Variants in CHSY1 observed in about 807,000 individuals in gnomAD.
The protein encoded by CHSY1 is chondroitin sulfate synthase 1.
Under a neutral mutation model 59.8 loss-of-function variants are expected in CHSY1, and 13 were observed. That is an observed-to-expected ratio of 0.22 (90% confidence interval 0.14 to 0.35). CHSY1 has a LOEUF of 0.35. Among genes scored for constraint, CHSY1 ranks in the 10% least tolerant of loss-of-function variants. The pLI is 1.00. For missense variants in CHSY1, 947 were observed against 1,030.6 expected (o/e 0.92, Z 1.11); for synonymous variants, 459 against 401.2 (o/e 1.14, Z -1.72).
At chr15:101,214,085 G>A (rs1209146665) in intron 2 of CHSY1, among the ~76,000 whole-genome samples, 1 of 152,236 alleles carries the variant, frequency 6.6e-6, no homozygotes, top group African/African-American at 2.4e-5. Flanking sequence ...AAAAGCCTGT[G>A]AAATGGCATC....
At chr15:101,226,592 C>T (rs1390577645) in intron 2 of CHSY1, among the ~76,000 whole-genome samples, 1 of 152,108 alleles carries the variant, frequency 6.6e-6, no homozygotes, top group Non-Finnish European at 1.5e-5. Context: ...TCTGCCTCGT[C>T]ACTCCACTCA....
intron 2 of CHSY1, among the ~76,000 whole-genome samples, chr15:101,226,612 C>T (rs1205579284): frequency 6.6e-6 from 1 of 152,232 alleles, no homozygotes; most frequent in Non-Finnish European, 1.5e-5. Context: ...ATGCTGGCCA[C>T]TGTGCTATGT....
chr15:101,186,754 A>T (rs2038371857), intron 2 of CHSY1: 1 of 152,264 alleles, frequency 6.6e-6, no homozygotes, highest in African/African-American at 2.4e-5. Context: ...GTGAGCCATG[A>T]TCGCACTACT....
intron 2 of CHSY1, among the ~76,000 whole-genome samples, chr15:101,201,319 C>G (rs1357726758): frequency 1.3e-5 from 2 of 152,242 alleles, no homozygotes; most frequent in Non-Finnish European, 2.9e-5. Context: ...TTGCCTATTA[C>G]TCCCCCGACC....
chr15:101,228,927 G>A (rs1050999840), intron 2 of CHSY1, among the ~76,000 whole-genome samples: 6 of 152,150 alleles, frequency 3.9e-5, no homozygotes, highest in Admixed American at 1.3e-4. Flanking sequence ...GGCATACAAC[G>A]TATAAAGATA....
chr15:101,236,806 CAG>C (rs2038948030), intron 1 of CHSY1, among the ~76,000 whole-genome samples: 1 of 149,452 alleles, frequency 6.7e-6, no homozygotes, highest in African/African-American at 2.5e-5. Context: ...GCCTGGGAGA[CAG>C]AGCAAGACTC....
chr15:101,241,642 T>C (rs2039002495), intron 1 of CHSY1, among the ~76,000 whole-genome samples: 1 of 152,260 alleles, frequency 6.6e-6, no homozygotes, highest in African/African-American at 2.4e-5. Flanking sequence ...TTCTACTAGT[T>C]ACCATTAAAA....
At chr15:101,190,669 C>T (rs2038431106) in intron 2 of CHSY1, among the ~76,000 whole-genome samples, 1 of 152,196 alleles carries the variant, frequency 6.6e-6, no homozygotes, top group African/African-American at 2.4e-5. Flanking sequence ...GAGAATAAGA[C>T]AAGTCACAGA....
chr15:101,226,888 A>G (rs1367380523), intron 2 of CHSY1, among the ~76,000 whole-genome samples: 4 of 152,224 alleles, frequency 2.6e-5, no homozygotes, highest in African/African-American at 9.6e-5. Flanking sequence ...AATTCATCTA[A>G]TTATAAAAAG....
chr15:101,178,464 C>G lies in CHSY1; in HGVS notation c.1333G>C (p.Ala445Pro), dbSNP rs2141235896. The G allele has an allele frequency of 6.2e-7, 1 of 1,614,234 alleles. No individual in the cohort carries two copies. Among genetic ancestry groups the G allele is most frequent in the Non-Finnish European group, 8.5e-7 (1 of 1,180,044 alleles). The change falls in exon 3 of 3, where the codon GCT becomes CCT. Residue 445 changes from alanine (A) to proline (P), a missense_variant. Ala to Pro is a conservative substitution (Grantham distance 27, BLOSUM62 -1). This residue lies in a region of CHSY1 where 602 missense variants were observed against 676.9 expected (regional missense o/e 0.89). Transcript: ENST00000254190. ...AGCAGCAGGTCCAGGATGTACTCAG[C>G]CCCATACATGGGGTTCACCCGGCGG... ...GYRRVNPMYG[A>P]EYILDLLLLY...
chr15:101,237,080 C>A (rs1288046102), intron 1 of CHSY1, among the ~76,000 whole-genome samples: 1 of 151,236 alleles, frequency 6.6e-6, no homozygotes, highest in African/African-American at 2.4e-5. Context: ...AAAATTTAGC[C>A]AGGCATGGTG....
chr15:101,181,737 G>A (rs746347129), intron 2 of CHSY1, among the ~76,000 whole-genome samples: 6 of 152,158 alleles, frequency 3.9e-5, no homozygotes, highest in Non-Finnish European at 7.4e-5. Context: ...TGGTGGAACT[G>A]ACATGATTTT....
At position 101,181,400 on chromosome 15, in the gene CHSY1, CG is replaced by C. The variant is rs547002281; in HGVS notation, c.817-2421del. 2.6e-3 allele frequency among the ~76,000 whole-genome samples: 395 copies of C among 152,314 alleles called. 4 individuals are homozygous for C. The highest frequency in any genetic ancestry group is 8.7e-3 in the African/African-American group (361 of 41,558). On this transcript the variant is annotated intron_variant, in intron 2 of 2. Coordinates refer to ENST00000254190, the MANE Select transcript of CHSY1 (RefSeq NM_014918.5). ...ATTTCCAAATTCTTAACAATGAACA[CG>C]AAGAACCATAATATCGTTTGTGGAA... is the stretch of plus-strand genomic sequence containing the variant.
At chr15:101,250,544 C>T (rs904569955) in intron 1 of CHSY1, among the ~76,000 whole-genome samples, 5 of 152,184 alleles carry the variant, frequency 3.3e-5, no homozygotes, top group Admixed American at 2.6e-4. Flanking sequence ...CTGAATCTAC[C>T]AAGGGCCAAG....
intron 2 of CHSY1, among the ~76,000 whole-genome samples, chr15:101,204,715 C>T (rs1352759863): frequency 6.6e-6 from 1 of 151,570 alleles, no homozygotes; most frequent in Non-Finnish European, 1.5e-5. Context: ...ACCAGCCTGA[C>T]TGACATAATG....
intron 2 of CHSY1, among the ~76,000 whole-genome samples, chr15:101,195,450 G>T (rs2141249854): frequency 6.6e-6 from 1 of 152,336 alleles, no homozygotes; most frequent in Admixed American, 6.5e-5. Context: ...TTTCACAGAT[G>T]TGAGAAAGTT....
chr15:101,234,201 C>A (rs2038917523), intron 2 of CHSY1, among the ~76,000 whole-genome samples: 8 of 152,218 alleles, frequency 5.3e-5, no homozygotes. Context: ...TCAGAAGTTG[C>A]ACGACAACTA....
intron 2 of CHSY1, among the ~76,000 whole-genome samples, chr15:101,185,463 AG>A (rs1296475298): frequency 7.1e-6 from 1 of 140,954 alleles, no homozygotes; most frequent in Non-Finnish European, 1.6e-5. Context: ...CTCTCCATGG[AG>A]CACCCTCCAT....
At chr15:101,236,694 G>A (rs187709616) in intron 1 of CHSY1, among the ~76,000 whole-genome samples, 73 of 152,068 alleles carry the variant, frequency 4.8e-4, no homozygotes, top group Middle Eastern at 3.4e-3. Context: ...GCGTGCTGGC[G>A]GGCGCCTGTA....
Sources: gnomAD v4.1 joint callset for allele counts (sites outside exome capture counted in the v4.1 genomes callset) on GRCh38, gnomAD v4.1.1 for gene constraint, gnomAD v4.1.1 regional missense constraint, MANE v1.5 for transcripts, NCBI Gene and HGNC (gene_info 2026-07-23, HGNC 2026-07-21) for gene names.